Variants in DNAH7 observed in about 807,000 individuals in gnomAD.
DNAH7 encodes dynein axonemal heavy chain 7.
A neutral mutation model predicts 444.6 loss-of-function variants in DNAH7; 397 were observed. The ratio of observed to expected loss-of-function variants is 0.89; its 90% CI spans 0.82 to 0.97. The LOEUF is 0.97. Among genes scored for constraint, DNAH7 ranks in the 50% least tolerant of loss-of-function variants. DNAH7 has a pLI of 0.00. For missense variants in DNAH7, 4,902 were observed against 4,800.8 expected, an observed-to-expected ratio of 1.02 and a Z score of -0.62; for synonymous variants, 1,636 against 1,624.4, an observed-to-expected ratio of 1.01 and a Z score of -0.17.
chr2:195,983,882 C>T (rs1692732432), intron 15 of DNAH7, among the ~76,000 whole-genome samples: 1 of 152,188 alleles, frequency 6.6e-6, no homozygotes, highest in Non-Finnish European at 1.5e-5. Context: ...TTACACAGCT[C>T]AGGCTTCCCG....
chr2:195,951,367 G>T (rs1361456241), intron 19 of DNAH7, among the ~76,000 whole-genome samples: 1 of 152,054 alleles, frequency 6.6e-6, no homozygotes, highest in African/African-American at 2.4e-5. Context: ...CAATTATGTG[G>T]CCAAATTTAG....
At chr2:195,931,549 G>C (rs1287150810) in intron 21 of DNAH7, among the ~76,000 whole-genome samples, 3 of 151,266 alleles carry the variant, frequency 2.0e-5, no homozygotes, top group Non-Finnish European at 4.4e-5. Context: ...GGTTTTTATG[G>C]TTTTAGGTCT....
intron 12 of DNAH7, among the ~76,000 whole-genome samples, chr2:196,000,229 C>A (rs886451107): frequency 3.3e-5 from 5 of 152,088 alleles, no homozygotes; most frequent in African/African-American, 1.2e-4. Flanking sequence ...TTCAGACATG[C>A]TCATTTCATA....
chr2:196,030,998 G>A (rs1038697793), intron 5 of DNAH7, among the ~76,000 whole-genome samples: 1 of 152,202 alleles, frequency 6.6e-6, no homozygotes, highest in African/African-American at 2.4e-5. Context: ...GACTCTGAGT[G>A]GGGGCTCTGA....
At chr2:195,744,986 C>G (rs927387956) in intron 63 of DNAH7, among the ~76,000 whole-genome samples, 1 of 152,210 alleles carries the variant, frequency 6.6e-6, no homozygotes, top group Non-Finnish European at 1.5e-5. Flanking sequence ...TCACCAGCAA[C>G]GGAACAGAGC....
intron 24 of DNAH7, among the ~76,000 whole-genome samples, chr2:195,919,528 A>G (rs945861778): frequency 6.6e-6 from 1 of 152,044 alleles, no homozygotes; most frequent in African/African-American, 2.4e-5. Flanking sequence ...TATTTTTAGT[A>G]GAGACAGGTT....
intron 19 of DNAH7, among the ~76,000 whole-genome samples, chr2:195,954,833 G>A (rs1187282646): frequency 1.3e-5 from 2 of 152,190 alleles, no homozygotes; most frequent in Non-Finnish European, 2.9e-5. Flanking sequence ...CTTCTTTTGA[G>A]AAGTGTCTGT....
At chr2:195,860,939 G>GT (rs761615886) in intron 42 of DNAH7, among the ~76,000 whole-genome samples, 9 of 151,478 alleles carry the variant, frequency 5.9e-5, no homozygotes, top group Non-Finnish European at 1.0e-4. Flanking sequence ...AAGTACTTAA[G>GT]GCTTACCATA....
chr2:196,064,303 G>T (rs1023260734), intron 1 of DNAH7, among the ~76,000 whole-genome samples: 1 of 150,134 alleles, frequency 6.7e-6, no homozygotes, highest in South Asian at 2.1e-4. Context: ...GTGACAGAGT[G>T]AGACTCCGTC....
chr2:195,878,522 C>T (rs1409892210), intron 36 of DNAH7, among the ~76,000 whole-genome samples: 1 of 152,066 alleles, frequency 6.6e-6, no homozygotes, highest in Non-Finnish European at 1.5e-5. Flanking sequence ...ATCACTTGAG[C>T]CCAGGAGGTC....
At chr2:196,036,027 C>CT (rs750452521) in intron 5 of DNAH7, among the ~76,000 whole-genome samples, 1,383 of 129,480 alleles carry the variant, frequency 0.011, 14 homozygotes, top group African/African-American at 0.021. Context: ...TCTCCACATT[C>CT]TTTTTTTTTT....
rs1694800481 is a variant in DNAH7, at chr2:196,012,829, A to G, written c.947T>C (p.Ile316Thr). 6.3e-7 allele frequency: 1 copy of G among 1,584,304 alleles called. No homozygotes were observed. Among genetic ancestry groups the G allele is most frequent in the Non-Finnish European group, 8.6e-7 (1 of 1,166,808 alleles). ...ALELSSFQNIIMRHMDSAKET... is the reference protein window; with the variant it reads ...ALELSSFQNITMRHMDSAKET... ...TTTGGCAGAGTCCATGTGTCTCATG[A>G]TAATGTTCTGAAAACTTGACAGCTC... The change falls in exon 10 of 65, where the codon ATC (isoleucine) becomes ACC (threonine). Residue 316 changes from isoleucine (I) to threonine (T), a missense_variant. Transcript: ENST00000312428.
intron 6 of DNAH7, among the ~76,000 whole-genome samples, chr2:196,027,523 T>G (rs890221083): frequency 1.3e-5 from 2 of 152,064 alleles, no homozygotes; most frequent in African/African-American, 4.8e-5. Context: ...TAGAAAAAAT[T>G]TAAATGTCAA....
intron 24 of DNAH7, among the ~76,000 whole-genome samples, chr2:195,916,156 T>G (rs1687659893): frequency 2.0e-5 from 3 of 152,172 alleles, no homozygotes; most frequent in African/African-American, 7.2e-5. Flanking sequence ...ATCACAGACT[T>G]AAATGTAAAA....
intron 36 of DNAH7, among the ~76,000 whole-genome samples, chr2:195,876,936 C>T (rs1293445759): frequency 2.0e-5 from 3 of 152,128 alleles, no homozygotes; most frequent in Non-Finnish European, 4.4e-5. Flanking sequence ...CACATTCCTC[C>T]TTAACATGGA....
At chr2:195,815,655 T>C (rs150818124) in intron 51 of DNAH7, among the ~76,000 whole-genome samples, 1 of 152,376 alleles carries the variant, frequency 6.6e-6, no homozygotes, top group African/African-American at 2.4e-5. Context: ...AAGGCAAAAG[T>C]TGTTATTAAT....
At chr2:195,951,521 T>C (rs1256824289) in intron 19 of DNAH7, among the ~76,000 whole-genome samples, 1 of 152,116 alleles carries the variant, frequency 6.6e-6, no homozygotes, top group African/African-American at 2.4e-5. Context: ...CGTTGATCTG[T>C]CTAATACTGT....
At chr2:195,776,443 CAAAAAAAAAGAAAAGAGG>C (rs1695065757) in intron 59 of DNAH7, among the ~76,000 whole-genome samples, 1 of 125,750 alleles carries the variant, frequency 8.0e-6, no homozygotes, top group Non-Finnish European at 1.7e-5. Flanking sequence ...AACTCCATCT[CAAAAAAAAAGAAAAGAGG>C]AAAAAAAAAG....
At chr2:195,762,270 G>A (rs1694381905) in intron 61 of DNAH7, among the ~76,000 whole-genome samples, 2 of 152,050 alleles carry the variant, frequency 1.3e-5, no homozygotes, top group Admixed American at 1.3e-4. Flanking sequence ...TAAAAAGCAA[G>A]AAGTTAAAAC....
Sources: gnomAD v4.1 joint callset for allele counts (sites outside exome capture counted in the v4.1 genomes callset) on GRCh38, gnomAD v4.1.1 for gene constraint, MANE v1.5 for transcripts, NCBI Gene and HGNC (gene_info 2026-07-23, HGNC 2026-07-21) for gene names.